The following ZNF700 variants were observed in gnomAD, a reference collection of about 807,000 sequenced individuals.
The protein encoded by ZNF700 is zinc finger protein 700.
A neutral mutation model predicts 65.3 loss-of-function variants in ZNF700; 38 were observed. The ratio of observed to expected loss-of-function variants is 0.58; its 90% confidence interval spans 0.45 to 0.76. The LOEUF is 0.76. Among genes scored for constraint, ZNF700 ranks in the 30% least tolerant of loss-of-function variants. The pLI is 0.00. For synonymous variants in ZNF700, 285 were observed against 290.4 expected (o/e 0.98, Z 0.19); for missense variants, 857 against 888.4 (o/e 0.96, Z 0.45).
At chr19:11,941,779 C>T (rs192289258) in intron 1 of ZNF700, among the ~76,000 whole-genome samples, 14 of 152,330 alleles carry the variant, frequency 9.2e-5, no homozygotes, top group South Asian at 2.1e-4. Context: ...CCTCAAGTGC[C>T]GCCAAAGTGG....
At chr19:11,933,859 A>G (rs1972750517) in intron 1 of ZNF700, among the ~76,000 whole-genome samples, 1 of 147,194 alleles carries the variant, frequency 6.8e-6, no homozygotes, top group Non-Finnish European at 1.5e-5. Flanking sequence ...AAAAAAAAAA[A>G]AAAAATTTGT....
rs139597543 is a variant in ZNF700, at chr19:11,933,438, G to A, written c.63+8165G>A. On this transcript the variant is annotated intron_variant, in intron 1 of 3. Coordinates refer to ENST00000254321, the MANE Select transcript of ZNF700 (RefSeq NM_144566.3). ...TTGGGCTGTGGTTTAAGACAACTAC[G>A]TGTGTCATGTATCCACCATCACAGT... is the stretch of plus-strand genomic sequence containing the variant. Among the ~76,000 whole-genome samples, 21 of 147,782 alleles carry A rather than the reference G, an allele frequency of 1.4e-4. No homozygotes were observed. The East Asian group carries it at 3.5e-3, about 24-fold the overall frequency.
At position 11,949,560 on chromosome 19, in the gene ZNF700, A is replaced by G; in HGVS notation, c.1536A>G (p.Ile512Met). 2 of 1,612,082 alleles carry G rather than the reference A, an allele frequency of 1.2e-6. No individual in the cohort carries two copies. The highest frequency in any genetic ancestry group is 1.7e-6 in the Non-Finnish European group (2 of 1,179,624). The change falls in exon 4 of 4, where the codon ATA (isoleucine) becomes ATG (methionine). Residue 512 changes from isoleucine (I) to methionine (M), a missense_variant. Around this residue, in one of 3 missense-constraint regions of ZNF700, gnomAD observed 603 missense variants for 619.9 expected, o/e 0.97. Coordinates refer to ENST00000254321, the MANE Select transcript of ZNF700 (RefSeq NM_144566.3). Reference sequence around the variant, plus strand: ...GAGAAAGACCTTATAAATGTAGTATATGTGAGAAAGGCTTTTATTCTGCCA... The same window carrying G: ...GAGAAAGACCTTATAAATGTAGTATGTGTGAGAAAGGCTTTTATTCTGCCA... The part of the protein sequence containing the change: ...PSGERPYKCS[I>M]CEKGFYSAKS...
intron 1 of ZNF700, among the ~76,000 whole-genome samples, chr19:11,943,444 G>A (rs1160198783): frequency 6.6e-6 from 1 of 152,190 alleles, no homozygotes; most frequent in Non-Finnish European, 1.5e-5. Context: ...TTCTAAGATA[G>A]CTTGTAACCA....
In ZNF700 at chr19:11,947,529, A is replaced by G. The variant is rs945539747; in HGVS notation, c.206A>G (p.Asp69Gly). The part of the protein sequence containing the change: ...NLTSIGKKWS[D>G]QNIEYEYQNP... ...TGTATTTTAGGAAAAAAATGGAGTG[A>G]CCAGAACATTGAATATGAGTACCAA... is the stretch of plus-strand genomic sequence containing the variant. The change falls in exon 3 of 4, where the codon GAC (aspartate) becomes GGC (glycine). Residue 69 changes from aspartate to glycine, a missense_variant. Asp to Gly is a moderately conservative substitution (Grantham distance 94, BLOSUM62 -1). Around this residue, in one of 3 missense-constraint regions of ZNF700, gnomAD observed 603 missense variants for 619.9 expected, o/e 0.97. Coordinates refer to ENST00000254321, the MANE Select transcript of ZNF700 (RefSeq NM_144566.3). The G allele has an allele frequency of 5.6e-6, 9 of 1,613,274 alleles. No individual in the cohort carries two copies. The Admixed American group carries it at 8.4e-5, about 15-fold the overall frequency.
chr19:11,935,141 A>T (rs1303017895), intron 1 of ZNF700, among the ~76,000 whole-genome samples: 4 of 132,332 alleles, frequency 3.0e-5, no homozygotes, highest in African/African-American at 9.5e-5. Flanking sequence ...GCACCACTGC[A>T]CTCCAGCCTG....
intron 1 of ZNF700, chr19:11,946,950 T>A: frequency 1.2e-6 from 1 of 805,132 alleles, no homozygotes. Flanking sequence ...ATCACGCCAT[T>A]GTACTCCAGC....
chr19:11,942,786 C>G (rs1441776307), intron 1 of ZNF700, among the ~76,000 whole-genome samples: 2 of 152,162 alleles, frequency 1.3e-5, no homozygotes, highest in Non-Finnish European at 2.9e-5. Context: ...TTTTAACTAC[C>G]AGGCCTGGGG....
intron 1 of ZNF700, among the ~76,000 whole-genome samples, chr19:11,943,821 A>C (rs10413462): frequency 0.063 from 9,623 of 152,316 alleles, 469 homozygotes; most frequent in African/African-American, 0.14. Context: ...TTTAAGGAGA[A>C]TAAGTCCCAT....
intron 3 of ZNF700, 70 bp from the exon 4 acceptor site, chr19:11,948,206 C>T (rs866481842): frequency 1.0e-5 from 16 of 1,529,870 alleles, no homozygotes; most frequent in Middle Eastern, 2.0e-4. Context: ...AATGCAAGTG[C>T]AATACTTGTT....
chr19:11,944,014 C>T (rs568811625), intron 1 of ZNF700, among the ~76,000 whole-genome samples: 8 of 152,180 alleles, frequency 5.3e-5, no homozygotes, highest in Admixed American at 2.0e-4. Flanking sequence ...TCTACCTTCA[C>T]GGTGGTGTGA....
chr19:11,949,433 G>T lies in ZNF700; in HGVS notation c.1409G>T (p.Gly470Val). Residue 470 changes from glycine to valine, a missense_variant, in exon 4 of 4, where the codon GGA (glycine) becomes GTA (valine). Gly to Val is a moderately radical substitution (Grantham distance 109). Around this residue, in one of 3 missense-constraint regions of ZNF700, gnomAD observed 603 missense variants for 619.9 expected, o/e 0.97. Transcript: ENST00000254321. ...HLRVHGRTHT[G>V]EKPYECKECG... is the part of the protein sequence containing the mutation. ...CGAGTGCATGGTAGGACTCATACTG[G>T]AGAGAAACCCTATGAATGTAAGGAA... 3.7e-6 allele frequency: 6 copies of T among 1,613,252 alleles called. No homozygotes were observed. Among genetic ancestry groups the T allele is most frequent in the Non-Finnish European group, 5.1e-6 (6 of 1,179,818 alleles).
intron 1 of ZNF700, among the ~76,000 whole-genome samples, chr19:11,930,994 C>G (rs1228356685): frequency 3.5e-5 from 5 of 143,092 alleles, no homozygotes; most frequent in Non-Finnish European, 7.4e-5. Flanking sequence ...AACAAAATTC[C>G]GTCTCAAAAA....
chr19:11,946,688 T>C (rs1265078511), intron 1 of ZNF700: 1 of 152,568 alleles, frequency 6.6e-6, no homozygotes, highest in African/African-American at 2.4e-5. Flanking sequence ...TCACACAAAG[T>C]TCTAAGTTTT....
chr19:11,945,828 T>C (rs1227061032), intron 1 of ZNF700, among the ~76,000 whole-genome samples: 1 of 152,048 alleles, frequency 6.6e-6, no homozygotes, highest in African/African-American at 2.4e-5. Flanking sequence ...GCAAGTCCCT[T>C]CCCAGCAAGG....
Position 11,949,822 on chromosome 19 carries a change from G to A in ZNF700, c.1798G>A (p.Ala600Thr), listed in dbSNP as rs1973033025. The change falls in exon 4 of 4, where the codon GCC (alanine) becomes ACC (threonine). Residue 600 changes from alanine to threonine, a missense_variant. Physicochemically the swap from Ala to Thr is moderately conservative, Grantham distance 58. Coordinates refer to ENST00000254321, the MANE Select transcript of ZNF700 (RefSeq NM_144566.3). ...CTATGAGTGTAAGCAATGTGGGAAA[G>A]CCTTCAGTTGTGCCTCAAACCTTCG... ...KPYECKQCGK[A>T]FSCASNLRKH... 6.2e-7 allele frequency: 1 copy of A among 1,613,096 alleles called. No individual in the cohort carries two copies. Among genetic ancestry groups the A allele is most frequent in the Non-Finnish European group, 8.5e-7 (1 of 1,179,738 alleles).
At chr19:11,945,559 T>C (rs897891500) in intron 1 of ZNF700, among the ~76,000 whole-genome samples, 1 of 152,172 alleles carries the variant, frequency 6.6e-6, no homozygotes, top group African/African-American at 2.4e-5. Context: ...TGTTTTTGCC[T>C]GACCGGCTGG....
intron 1 of ZNF700, among the ~76,000 whole-genome samples, chr19:11,935,369 T>C (rs1166123337): frequency 6.7e-6 from 1 of 149,758 alleles, no homozygotes; most frequent in Admixed American, 6.7e-5. Flanking sequence ...CCAGAGTAGG[T>C]GGGATTATAG....
At chr19:11,944,718 C>T (rs1186323674) in intron 1 of ZNF700, among the ~76,000 whole-genome samples, 1 of 152,228 alleles carries the variant, frequency 6.6e-6, no homozygotes, top group Non-Finnish European at 1.5e-5. Flanking sequence ...TCAAAGGGGG[C>T]TGCTCCATAA....
Sources: allele counts gnomAD v4.1 joint callset (sites outside exome capture counted in the v4.1 genomes callset), GRCh38; gene constraint gnomAD v4.1.1; regional missense constraint gnomAD v4.1.1; transcripts MANE v1.5; gene names NCBI Gene and HGNC (gene_info 2026-07-23, HGNC 2026-07-21).